XDH: variants seen among roughly 807,000 people sequenced by gnomAD.
The protein encoded by XDH is xanthine dehydrogenase/oxidase.
A neutral mutation model predicts 156.1 loss-of-function variants in XDH; 138 were observed. That is an observed-to-expected ratio of 0.88 (90% CI 0.77 to 1.02). The LOEUF is 1.02. XDH is among the 50% of genes least tolerant of loss of function. The probability of loss-of-function intolerance (pLI) is 0.00; values close to 1 mark genes in which losing one functional copy is unlikely to be tolerated. For synonymous variants in XDH, 669 were observed against 625.7 expected, an observed-to-expected ratio of 1.07 and a Z score of -1.03; for missense variants, 1,849 against 1,684.9, an observed-to-expected ratio of 1.10 and a Z score of -1.71.
chr2:31,412,424 T>C (rs183930263), intron 1 of XDH, among the ~76,000 whole-genome samples: 2 of 151,728 alleles, frequency 1.3e-5, no homozygotes, highest in Admixed American at 6.6e-5. Flanking sequence ...TAGGTAGGAA[T>C]TGAACAATGA....
In XDH at chr2:31,368,640, G is replaced by A; in HGVS notation, c.2001C>T (p.Ile667=). 16 of 1,614,180 alleles carry A rather than the reference G, an allele frequency of 9.9e-6. 1 individual carries two copies. Among genetic ancestry groups the A allele is most frequent in the Non-Finnish European group, 1.3e-5 (15 of 1,180,028 alleles). The change falls in exon 19 of 36, where the codon ATC becomes ATT. Residue 667 remains isoleucine (I), a synonymous_variant. Transcript: ENST00000379416. ...GGGTGTCAGCAACCACAGCACCAAT[G>A]ATATGCCCAACACAAGTAACCTAGT... The part of the protein sequence containing the change: ...AKDKVTCVGH[I]IGAVVADTPE...
At chr2:31,399,316 G>A (rs1228585786) in intron 4 of XDH, among the ~76,000 whole-genome samples, 1 of 152,138 alleles carries the variant, frequency 6.6e-6, no homozygotes, top group Non-Finnish European at 1.5e-5. Context: ...TGAGAGTATA[G>A]GGATGAAGAA....
chr2:31,372,531 G>T, intron 16 of XDH, 134 bp from the exon 17 acceptor site: 2 of 1,181,058 alleles, frequency 1.7e-6, no homozygotes, highest in Non-Finnish European at 2.4e-6. Flanking sequence ...TCAGAGGGGC[G>T]TGGGGCAAAG....
rs776026345 is a variant in XDH, at chr2:31,377,249, C to CA, written c.1243-13dup. 16 of 1,613,828 alleles carry CA rather than the reference C, an allele frequency of 9.9e-6. No individual in the cohort carries two copies. The South Asian group carries it at 1.6e-4, about 17-fold the overall frequency. ...GAGAAATACTCCCCCTAAAAGAGAT[C>CA]AGGAAGGTGCCTGTTTTCCACCTTG... On this transcript the variant is annotated splice_polypyrimidine_tract_variant and intron_variant, in intron 13 of 35. Transcript: ENST00000379416.
At chr2:31,414,581 C>T (rs770114987) in intron 1 of XDH, 44 bp downstream of exon 1, 35 of 1,612,750 alleles carry the variant, frequency 2.2e-5, no homozygotes, top group Admixed American at 1.5e-4. Context: ...CATTTCCCCT[C>T]CCAGGGAGAA....
At chr2:31,379,822 T>C in intron 13 of XDH, 45 bp downstream of exon 13, 4 of 1,577,534 alleles carry the variant, frequency 2.5e-6, no homozygotes, top group Non-Finnish European at 3.5e-6. Context: ...AGCCTGGCAA[T>C]AGGACTTATT....
At chr2:31,413,834 A>G (rs1177428960) in intron 1 of XDH, among the ~76,000 whole-genome samples, 4 of 152,112 alleles carry the variant, frequency 2.6e-5, no homozygotes, top group Non-Finnish European at 5.9e-5. Context: ...GTGTTGTAGG[A>G]GGGCAAATGG....
At chr2:31,407,151 C>G (rs1687214676) in intron 1 of XDH, among the ~76,000 whole-genome samples, 1 of 152,168 alleles carries the variant, frequency 6.6e-6, no homozygotes, top group South Asian at 2.1e-4. Context: ...GAATATTTGC[C>G]TCCCACCTCA....
chr2:31,358,614 A>G (rs539914584), intron 24 of XDH, among the ~76,000 whole-genome samples: 3 of 152,316 alleles, frequency 2.0e-5, no homozygotes, highest in Admixed American at 2.0e-4. Flanking sequence ...AAAAAAATCA[A>G]TGAATACAAT....
intron 31 of XDH, 52 bp from the exon 32 acceptor site, chr2:31,342,349 C>T: frequency 6.8e-7 from 1 of 1,466,192 alleles, no homozygotes. Flanking sequence ...AACACACCCC[C>T]TTCCCTATGC....
At chr2:31,344,164 C>T (rs780152343) in intron 31 of XDH, among the ~76,000 whole-genome samples, 6 of 152,272 alleles carry the variant, frequency 3.9e-5, no homozygotes, top group Middle Eastern at 6.8e-3. Flanking sequence ...TCTTGAAAAT[C>T]TCCCTGTATT....
intron 12 of XDH, 92 bp from the exon 13 acceptor site, chr2:31,380,068 A>T: frequency 8.0e-7 from 1 of 1,254,126 alleles, no homozygotes; most frequent in South Asian, 1.2e-5. Flanking sequence ...GGGATTCTTC[A>T]TGCTGGTCTC....
intron 15 of XDH, among the ~76,000 whole-genome samples, chr2:31,375,053 T>C (rs1686206484): frequency 7.4e-6 from 1 of 134,332 alleles, no homozygotes. Flanking sequence ...GAGACAGAGT[T>C]TCGCTCTTGT....
chr2:31,346,689 C>T, intron 30 of XDH, 80 bp downstream of exon 30: 1 of 1,533,924 alleles, frequency 6.5e-7, no homozygotes, highest in Non-Finnish European at 9.0e-7. Context: ...TCTCCTATTA[C>T]TTGTTCGGAT....
intron 14 of XDH, among the ~76,000 whole-genome samples, chr2:31,376,838 AG>A (rs1461739067): frequency 6.6e-6 from 1 of 150,498 alleles, no homozygotes; most frequent in Non-Finnish European, 1.5e-5. Context: ...TACTCCTAGT[AG>A]TAATACTAGT....
intron 23 of XDH, 39 bp downstream of exon 23, chr2:31,365,418 T>C (rs568285471): frequency 6.8e-6 from 11 of 1,610,558 alleles, no homozygotes; most frequent in South Asian, 3.3e-5. Context: ...CCTCACAAAA[T>C]GGCTCATCCC....
Position 31,339,550 on chromosome 2 carries a change from A to T in XDH, c.3713T>A (p.Ile1238Asn). The change falls in exon 34 of 36, where the codon ATT becomes AAT. Residue 1238 changes from isoleucine (I) to asparagine (N), a missense_variant. Physicochemically the swap from Ile to Asn is moderately radical, Grantham distance 149. Transcript: ENST00000379416. Reference sequence around the variant, plus strand: ...GCGGAGCAGGGACACCCTGAACTCAATGGGGATGCTGCCAAATGCCGGGAT... The same window carrying T: ...GCGGAGCAGGGACACCCTGAACTCATTGGGGATGCTGCCAAATGCCGGGAT... ...YKIPAFGSIP[I>N]EFRVSLLRDC... 2 of 1,614,184 alleles carry T rather than the reference A, an allele frequency of 1.2e-6. No homozygotes were observed. The highest frequency in any genetic ancestry group is 1.1e-5 in the South Asian group (1 of 91,082).
intron 35 of XDH, among the ~76,000 whole-genome samples, chr2:31,336,401 G>C (rs765292322): frequency 6.6e-6 from 1 of 152,174 alleles, no homozygotes; most frequent in Non-Finnish European, 1.5e-5. Flanking sequence ...GCCACAGAGA[G>C]CTTACGAAAA....
intron 25 of XDH, 70 bp from the exon 26 acceptor site, chr2:31,349,901 G>A: frequency 1.2e-6 from 2 of 1,612,148 alleles, no homozygotes; most frequent in East Asian, 2.2e-5. Flanking sequence ...ACAACCTAAA[G>A]TTAAGCTTCC....
Sources: allele counts gnomAD v4.1 joint callset (sites outside exome capture counted in the v4.1 genomes callset), GRCh38; gene constraint gnomAD v4.1.1; transcripts MANE v1.5; gene names NCBI Gene and HGNC (gene_info 2026-07-23, HGNC 2026-07-21).